Variants in AKT3 observed in about 807,000 individuals in gnomAD.
AKT3 encodes the protein AKT serine/threonine kinase 3, also known as RAC-gamma serine/threonine-protein kinase.
A neutral mutation model predicts 65.3 loss-of-function variants in AKT3; 15 were observed. The observed-to-expected ratio is 0.23, with a 90% CI of 0.15 to 0.35. The LOEUF (loss-of-function observed/expected upper bound fraction) is 0.35. AKT3 is among the 10% of genes least tolerant of loss of function. The pLI is 1.00. For missense variants in AKT3, 243 were observed against 576.5 expected, an observed-to-expected ratio of 0.42 and a Z score of 5.92; for synonymous variants, 206 against 183.8, an observed-to-expected ratio of 1.12 and a Z score of -0.98.
At chr1:243,737,290 G>T (rs569762998) in intron 2 of AKT3, among the ~76,000 whole-genome samples, 83 of 152,278 alleles carry the variant, frequency 5.5e-4, no homozygotes, top group African/African-American at 1.8e-3. Context: ...GTTGCTATGA[G>T]AATTAAATGA....
At chr1:243,623,162 T>A (rs967616854) in intron 6 of AKT3, among the ~76,000 whole-genome samples, 1 of 152,168 alleles carries the variant, frequency 6.6e-6, no homozygotes, top group Non-Finnish European at 1.5e-5. Context: ...AACAACAGGA[T>A]GCATGATTAA....
intron 2 of AKT3, among the ~76,000 whole-genome samples, chr1:243,816,218 G>GCAAGATGA (rs1306888276): frequency 6.6e-6 from 1 of 152,136 alleles, no homozygotes; most frequent in Non-Finnish European, 1.5e-5. Context: ...AGTCAAGATG[G>GCAAGATGA]TGTTTTTCTA....
chr1:243,803,116 G>A (rs183337726), intron 2 of AKT3, among the ~76,000 whole-genome samples: 34 of 152,154 alleles, frequency 2.2e-4, no homozygotes, highest in African/African-American at 8.0e-4. Context: ...CTCCAACCTG[G>A]GTGACAGAGT....
chr1:243,517,277 T>C (rs1396313924), intron 12 of AKT3, among the ~76,000 whole-genome samples: 2 of 152,164 alleles, frequency 1.3e-5, no homozygotes, highest in East Asian at 3.9e-4. Context: ...GAAAAATAAG[T>C]GTTCTTATGC....
chr1:243,636,648 C>T (rs1297064298), intron 6 of AKT3, among the ~76,000 whole-genome samples: 1 of 152,054 alleles, frequency 6.6e-6, no homozygotes, highest in Admixed American at 6.6e-5. Context: ...AGAAGTACCC[C>T]TCCTCCTCAG....
chr1:243,573,074 A>G, intron 8 of AKT3, 26 bp from the exon 9 acceptor site: 1 of 1,607,596 alleles, frequency 6.2e-7, no homozygotes, highest in Non-Finnish European at 8.5e-7. Context: ...CAGGGACAGG[A>G]TTGTAATAAT....
intron 2 of AKT3, among the ~76,000 whole-genome samples, chr1:243,699,513 A>G (rs954776745): frequency 8.5e-6 from 1 of 117,780 alleles, no homozygotes; most frequent in Non-Finnish European, 1.7e-5. Flanking sequence ...ATATATATAT[A>G]ATCTTCATGG....
At chr1:243,645,321 T>C (rs1680724982) in intron 5 of AKT3, among the ~76,000 whole-genome samples, 1 of 152,164 alleles carries the variant, frequency 6.6e-6, no homozygotes, top group African/African-American at 2.4e-5. Context: ...TCTATTGCAA[T>C]GAAAAAATTT....
intron 2 of AKT3, among the ~76,000 whole-genome samples, chr1:243,842,601 A>C (rs539677343): frequency 6.6e-6 from 1 of 152,316 alleles, no homozygotes; most frequent in East Asian, 1.9e-4. Flanking sequence ...TACACACACA[A>C]AAAATCCTTG....
chr1:243,589,306 CAAAAAAA>C (rs758254217), intron 8 of AKT3, among the ~76,000 whole-genome samples: 4 of 40,886 alleles, frequency 9.8e-5, no homozygotes, highest in Admixed American at 2.9e-4. Context: ...AACTCCATCT[CAAAAAAA>C]AAAAAAAAAA....
At chr1:243,608,411 T>C (rs1207782540) in intron 8 of AKT3, among the ~76,000 whole-genome samples, 1 of 152,148 alleles carries the variant, frequency 6.6e-6, no homozygotes, top group East Asian at 1.9e-4. Flanking sequence ...CAGTGAACAA[T>C]AAGCATAAAT....
chr1:243,670,021 T>C (rs529747786), intron 3 of AKT3, among the ~76,000 whole-genome samples: 5 of 152,328 alleles, frequency 3.3e-5, no homozygotes, highest in South Asian at 2.1e-4. Flanking sequence ...GGAAACTCTA[T>C]GAGCTCATGG....
At chr1:243,615,824 T>A (rs1010421293) in intron 6 of AKT3, among the ~76,000 whole-genome samples, 3 of 152,014 alleles carry the variant, frequency 2.0e-5, no homozygotes, top group Non-Finnish European at 4.4e-5. Flanking sequence ...CTTGAACTCC[T>A]GGACTCAAGC....
At chr1:243,540,559 C>A (rs1411016924) in intron 12 of AKT3, among the ~76,000 whole-genome samples, 3 of 152,042 alleles carry the variant, frequency 2.0e-5, no homozygotes, top group African/African-American at 7.2e-5. Context: ...ACCATATGCC[C>A]TTTACCCACC....
chr1:243,704,364 A>C (rs1234153293), intron 2 of AKT3, among the ~76,000 whole-genome samples: 4 of 152,148 alleles, frequency 2.6e-5, no homozygotes, highest in African/African-American at 9.7e-5. Context: ...ATACAAGCAT[A>C]GTCCCAGCCC....
intron 11 of AKT3, 30 bp downstream of exon 11, chr1:243,552,699 G>A: frequency 6.3e-7 from 1 of 1,575,994 alleles, no homozygotes; most frequent in African/African-American, 1.4e-5. Flanking sequence ...ACATTCATCA[G>A]TAATTCACTA....
chr1:243,819,472 T>A (rs554732282), intron 2 of AKT3, among the ~76,000 whole-genome samples: 2 of 152,204 alleles, frequency 1.3e-5, no homozygotes, highest in East Asian at 3.9e-4. Flanking sequence ...CAGCAGGGGT[T>A]TAGGAATGGA....
At chr1:243,744,319 G>T (rs1050551775) in intron 2 of AKT3, among the ~76,000 whole-genome samples, 6 of 152,188 alleles carry the variant, frequency 3.9e-5, no homozygotes, top group African/African-American at 1.4e-4. Flanking sequence ...GGCTTATAAG[G>T]TAGTGGTAAT....
At position 243,535,992 on chromosome 1, in the gene AKT3, T is replaced by G. The variant is rs552567020; in HGVS notation, c.1251+9518A>C. ...ATGATTTGTGATGTTGAACATTTTTTCCCATGTTTGTTGGCCATTTGCACA... is the reference window on the plus strand; with the variant it reads ...ATGATTTGTGATGTTGAACATTTTTGCCCATGTTTGTTGGCCATTTGCACA... On this transcript the variant is annotated intron_variant, in intron 12 of 13. Transcript: ENST00000673466. Among the ~76,000 whole-genome samples the G allele has an allele frequency of 3.9e-5, 6 of 152,358 alleles. No individual in the cohort carries two copies. In the East Asian group the frequency reaches 9.6e-4, roughly 24 times the overall value.
Sources: allele counts gnomAD v4.1 joint callset (sites outside exome capture counted in the v4.1 genomes callset), GRCh38; gene constraint gnomAD v4.1.1; transcripts MANE v1.5; gene names NCBI Gene and HGNC (gene_info 2026-07-23, HGNC 2026-07-21).